Variants in NIPBL observed in about 807,000 individuals in gnomAD.
NIPBL encodes the protein NIPBL cohesin loading factor, also known as nipped-B-like protein.
NIPBL carries 19 observed loss-of-function variants against 321.8 expected under a neutral mutation model. The observed-to-expected ratio is 0.06, with a 90% CI of 0.04 to 0.09. The LOEUF is 0.09. Ranked by LOEUF, NIPBL falls within the 10% of genes least tolerant of loss-of-function variation. The pLI is 1.00. For synonymous variants in NIPBL, 1,106 were observed against 1,114.1 expected (o/e 0.99, Z 0.14); for missense variants, 2,210 against 3,327.0 (o/e 0.66, Z 8.26).
chr5:36,886,379 T>C (rs1745907907), intron 1 of NIPBL: 1 of 726,220 alleles, frequency 1.4e-6, no homozygotes, highest in East Asian at 2.5e-5. Context: ...AACTTCAGTC[T>C]TGATGATGCC....
At chr5:37,038,247 C>G (rs528353773) in intron 33 of NIPBL, among the ~76,000 whole-genome samples, 1 of 152,214 alleles carries the variant, frequency 6.6e-6, no homozygotes, top group East Asian at 1.9e-4. Flanking sequence ...GTGATGGCCT[C>G]CCAAAGTGCT....
intron 6 of NIPBL, among the ~76,000 whole-genome samples, chr5:36,965,698 A>C (rs983308089): frequency 6.6e-6 from 1 of 152,158 alleles, no homozygotes; most frequent in Non-Finnish European, 1.5e-5. Flanking sequence ...AGAAAAGACA[A>C]ATATTAAGGT....
chr5:36,922,208 A>T (rs921549424), intron 1 of NIPBL, among the ~76,000 whole-genome samples: 6 of 151,998 alleles, frequency 3.9e-5, no homozygotes, highest in Non-Finnish European at 8.8e-5. Context: ...TTTTCTTAAA[A>T]ATATGTTACC....
chr5:36,933,923 G>GT (rs1749970773), intron 1 of NIPBL, among the ~76,000 whole-genome samples: 2 of 151,776 alleles, frequency 1.3e-5, no homozygotes, highest in South Asian at 4.2e-4. Flanking sequence ...GAGTATGGGG[G>GT]GGTGGGCAGT....
At chr5:37,000,632 T>C (rs1746681912) in intron 12 of NIPBL, 62 bp downstream of exon 12, 3 of 1,530,266 alleles carry the variant, frequency 2.0e-6, no homozygotes, top group Admixed American at 1.7e-5. Context: ...GCTTTAACTT[T>C]GAAGAATATT....
intron 1 of NIPBL, chr5:36,885,241 C>T (rs1424614392): frequency 5.6e-6 from 3 of 531,944 alleles, no homozygotes; most frequent in Non-Finnish European, 1.1e-5. Flanking sequence ...TCTCCACCAA[C>T]TACTGGTTCC....
In NIPBL at chr5:37,017,141, T is replaced by C; in HGVS notation, c.4899T>C (p.Ser1633=). 6.2e-7 allele frequency: 1 copy of C among 1,611,572 alleles called. No individual in the cohort carries two copies. The highest frequency in any genetic ancestry group is 8.5e-7 in the Non-Finnish European group (1 of 1,178,044). ...DAVTSKMDQG[S]IERILKQVSG... ...TTACAAGCAAAATGGATCAAGGATC[T>C]ATAGAACGCATTTTAAAACAGGTAC... Residue 1633 remains serine, a synonymous_variant, in exon 24 of 47, where the codon TCT becomes TCC. Coordinates refer to ENST00000282516, the MANE Select transcript of NIPBL (RefSeq NM_133433.4).
chr5:36,881,691 T>C lies in NIPBL; in HGVS notation c.-80+4513T>C, dbSNP rs138316252. 4.2e-4 allele frequency among the ~76,000 whole-genome samples: 64 copies of C among 152,084 alleles called. No homozygotes were observed. In the South Asian group the frequency reaches 7.5e-3, roughly 18 times the overall value. ...AAATTTTAATATTATCTTTTGGGTG[T>C]TAGTTGATGTGATACTTGCCCAGTC... On this transcript the variant is annotated intron_variant, in intron 1 of 46. Coordinates refer to ENST00000282516, the MANE Select transcript of NIPBL (RefSeq NM_133433.4).
intron 10 of NIPBL, among the ~76,000 whole-genome samples, chr5:36,992,887 C>T (rs1028798560): frequency 6.6e-5 from 10 of 151,818 alleles, no homozygotes; most frequent in African/African-American, 1.9e-4. Context: ...GGACTACAGG[C>T]ACCCGCCACC....
intron 21 of NIPBL, among the ~76,000 whole-genome samples, chr5:37,013,128 C>A (rs111382235): frequency 6.8e-6 from 1 of 146,338 alleles, no homozygotes; most frequent in Non-Finnish European, 1.5e-5. Flanking sequence ...TGGGCAGAGG[C>A]GCCCCTCACC....
intron 1 of NIPBL, among the ~76,000 whole-genome samples, chr5:36,929,158 C>T (rs1749585684): frequency 6.6e-6 from 1 of 152,140 alleles, no homozygotes; most frequent in South Asian, 2.1e-4. Flanking sequence ...TCTTCACCAA[C>T]AGTTAATAGT....
chr5:37,021,918 T>A, intron 27 of NIPBL, 133 bp from the exon 28 acceptor site: 2 of 725,622 alleles, frequency 2.8e-6, no homozygotes, highest in Non-Finnish European at 2.4e-6. Context: ...TTAGGAAAGA[T>A]CCTTTACTCA....
intron 32 of NIPBL, among the ~76,000 whole-genome samples, chr5:37,029,906 A>G (rs1750761107): frequency 6.6e-6 from 1 of 152,150 alleles, no homozygotes; most frequent in South Asian, 2.1e-4. Context: ...TCCTAAATCA[A>G]ATAGTTAGCT....
At position 37,026,284 on chromosome 5, in the gene NIPBL, A is replaced by G; in HGVS notation, c.5765A>G (p.Asp1922Gly). Residue 1922 changes from aspartate (D) to glycine (G), a missense_variant, in exon 31 of 47, where the codon GAC becomes GGC. Physicochemically the swap from Asp to Gly is moderately conservative, Grantham distance 94. Transcript: ENST00000282516. ...KLWFTPTPHN[D>G]KEAMTRKILN... ...TGGTTTACTCCAACTCCACACAATG[A>G]CAAAGAAGCAATGACAAGGAAAATT... 6.2e-7 allele frequency: 1 copy of G among 1,612,344 alleles called. No homozygotes were observed.
chr5:36,978,104 C>A (rs1384486164), intron 9 of NIPBL, among the ~76,000 whole-genome samples: 3 of 151,658 alleles, frequency 2.0e-5, no homozygotes, highest in Non-Finnish European at 4.4e-5. Flanking sequence ...TAATTTTTTT[C>A]CCTATGGATA....
chr5:36,891,563 A>G (rs1029583466), intron 1 of NIPBL, among the ~76,000 whole-genome samples: 2 of 152,150 alleles, frequency 1.3e-5, no homozygotes, highest in Non-Finnish European at 2.9e-5. Context: ...TTGGAAACTG[A>G]TGATGGCTTA....
intron 34 of NIPBL, among the ~76,000 whole-genome samples, chr5:37,040,153 A>G (rs763911508): frequency 5.1e-4 from 77 of 152,150 alleles, no homozygotes; most frequent in Admixed American, 1.8e-3. Flanking sequence ...CCTGTTATAT[A>G]TTATTTATAT....
chr5:36,877,087 G>C lies in NIPBL; in HGVS notation c.-171G>C. The stretch of plus-strand genomic sequence containing the variant: ...TCCCCGCACTGAGGAGACGGAAGAG[G>C]AGCCGTAGCCACCCCCCCTCCCGGC... On this transcript the variant is annotated 5_prime_UTR_variant, in exon 1 of 47. Transcript: ENST00000282516. 2.8e-6 allele frequency: 1 copy of C among 353,222 alleles called. No individual in the cohort carries two copies. The highest frequency in any genetic ancestry group is 2.1e-5 in the African/African-American group (1 of 47,082). 21.9% of individuals were successfully genotyped at this position (353,222 alleles called of 1,614,324 possible). A position where few individuals can be genotyped will look rare whatever the true frequency, so the allele number is the denominator to read the frequency against.
At chr5:37,027,802 A>C (rs1187847603) in intron 32 of NIPBL, among the ~76,000 whole-genome samples, 1 of 151,660 alleles carries the variant, frequency 6.6e-6, no homozygotes, top group Non-Finnish European at 1.5e-5. Context: ...TATTTTTGGT[A>C]GAGACGGGGT....
Sources: gnomAD v4.1 joint callset for allele counts (sites outside exome capture counted in the v4.1 genomes callset) on GRCh38, gnomAD v4.1.1 for gene constraint, MANE v1.5 for transcripts, NCBI Gene and HGNC (gene_info 2026-07-23, HGNC 2026-07-21) for gene names.